The following KDM6A variants were observed in gnomAD, a reference collection of about 807,000 sequenced individuals.
The protein encoded by KDM6A is lysine demethylase 6A.
In KDM6A, 11 loss-of-function variants were observed where a neutral mutation model predicts 117.6. The ratio of observed to expected loss-of-function variants is 0.09; its 90% CI spans 0.06 to 0.15. The LOEUF (loss-of-function observed/expected upper bound fraction) is 0.15, where lower values mean the gene tolerates loss of function less well. KDM6A is among the 10% of genes least tolerant of loss of function. KDM6A has a pLI of 1.00. For synonymous variants in KDM6A, 384 were observed against 396.1 expected (o/e 0.97, Z 0.36); for missense variants, 799 against 1,077.3 (o/e 0.74, Z 3.62).
chrX:44,991,057 G>T (rs1380614966), intron 4 of KDM6A, among the ~76,000 whole-genome samples: 1 of 111,817 alleles, frequency 8.9e-6, no homozygotes, highest in African/African-American at 3.2e-5. Context: ...TTTTTGGGAA[G>T]ATTTTATACT....
chrX:45,090,194 A>T (rs202105658), intron 26 of KDM6A, among the ~76,000 whole-genome samples: 55 of 99,502 alleles, frequency 5.5e-4, no homozygotes, highest in African/African-American at 1.6e-3. Context: ...GTTTTATTTT[A>T]AAAAAACCCT....
intron 2 of KDM6A, among the ~76,000 whole-genome samples, chrX:44,891,576 G>A (rs1334562503): frequency 1.8e-5 from 2 of 111,969 alleles, no homozygotes; most frequent in Admixed American, 1.9e-4. Context: ...TTCCGGTGCT[G>A]TAAAGAAATA....
intron 2 of KDM6A, among the ~76,000 whole-genome samples, chrX:44,900,344 CTT>C (rs1348393847): frequency 9.0e-6 from 1 of 111,554 alleles, no homozygotes; most frequent in Non-Finnish European, 1.9e-5. Flanking sequence ...CAAGGGAAAA[CTT>C]AATAGGTAGG....
At chrX:45,058,396 TCTTAC>T (rs1250618907) in intron 10 of KDM6A, among the ~76,000 whole-genome samples, 252 of 110,917 alleles carry the variant, frequency 2.3e-3, no homozygotes, top group African/African-American at 7.6e-3. Flanking sequence ...GAATCGTTAA[TCTTAC>T]CTTGCTAACT....
At chrX:45,005,509 A>G in intron 4 of KDM6A, among the ~76,000 whole-genome samples, 1 of 111,867 alleles carries the variant, frequency 8.9e-6, no homozygotes, top group Non-Finnish European at 1.9e-5. Flanking sequence ...GTCGGATTAG[A>G]AGCTGACACA....
At chrX:44,954,557 G>T (rs1307387803) in intron 2 of KDM6A, among the ~76,000 whole-genome samples, 11 of 111,586 alleles carry the variant, frequency 9.9e-5, no homozygotes, top group Non-Finnish European at 2.1e-4. Flanking sequence ...TACATAGTTT[G>T]CCACCTCTTT....
chrX:44,901,802 T>G (rs2034364465), intron 2 of KDM6A, among the ~76,000 whole-genome samples: 1 of 112,586 alleles, frequency 8.9e-6, no homozygotes, highest in East Asian at 2.8e-4. Flanking sequence ...GATATTAGTA[T>G]AGCCACCCAG....
At chrX:44,976,261 T>C (rs1307694000) in intron 4 of KDM6A, among the ~76,000 whole-genome samples, 1 of 111,867 alleles carries the variant, frequency 8.9e-6, no homozygotes, top group Non-Finnish European at 1.9e-5. Context: ...TTCTGGATAT[T>C]TCATATAAAT....
In KDM6A at chrX:44,891,256, GTTTA is replaced by G. The variant is rs1261558102; in HGVS notation, c.225+17281_225+17284del. On this transcript the variant is annotated intron_variant, in intron 2 of 29. Transcript: ENST00000611820. ...TGTTGCCTGGCCCTAGATCCCTAAG[GTTTA>G]TTTATTTATTTTTCTAAAAGTTTCA... Among the ~76,000 whole-genome samples, 3 of 110,592 alleles carry G rather than the reference GTTTA, an allele frequency of 2.7e-5. No homozygotes were observed. In the Admixed American group the frequency reaches 2.9e-4, roughly 11 times the overall value.
At chrX:45,069,294 A>T (rs2044708095) in intron 17 of KDM6A, among the ~76,000 whole-genome samples, 1 of 111,752 alleles carries the variant, frequency 8.9e-6, no homozygotes, top group Non-Finnish European at 1.9e-5. Context: ...TTTAGAGATG[A>T]AAATATGTAT....
At chrX:44,880,505 A>G (rs1432430285) in intron 2 of KDM6A, among the ~76,000 whole-genome samples, 3 of 108,199 alleles carry the variant, frequency 2.8e-5, no homozygotes, top group African/African-American at 6.8e-5. Flanking sequence ...AAATAATACA[A>G]TAAGGCCAGG....
intron 6 of KDM6A, among the ~76,000 whole-genome samples, chrX:45,032,151 T>A (rs2042626274): frequency 8.9e-6 from 1 of 112,059 alleles, no homozygotes; most frequent in African/African-American, 3.2e-5. Context: ...TGCATAATAA[T>A]TATTTCACAC....
intron 8 of KDM6A, among the ~76,000 whole-genome samples, chrX:45,039,503 A>ATT (rs756202597): frequency 0.032 from 1,939 of 61,209 alleles, 122 homozygotes; most frequent in Non-Finnish European, 0.05. Flanking sequence ...TCATTTGATA[A>ATT]TTTTTTTTTT....
intron 3 of KDM6A, among the ~76,000 whole-genome samples, chrX:44,966,291 G>A (rs976690352): frequency 1.3e-4 from 14 of 109,795 alleles, no homozygotes; most frequent in Admixed American, 1.3e-3. Context: ...AGAGGTGCGC[G>A]CCACCACGCC....
At chrX:45,064,607 G>A (rs953214890) in intron 17 of KDM6A, among the ~76,000 whole-genome samples, 4 of 111,904 alleles carry the variant, frequency 3.6e-5, no homozygotes, top group Non-Finnish European at 7.5e-5. Context: ...TCCATGATAT[G>A]GGTACTCGCT....
chrX:44,948,649 A>G (rs911415651), intron 2 of KDM6A, among the ~76,000 whole-genome samples: 1 of 112,196 alleles, frequency 8.9e-6, no homozygotes. Flanking sequence ...AAACTCTGTA[A>G]AGAAGTCAAA....
intron 2 of KDM6A, among the ~76,000 whole-genome samples, chrX:44,929,243 CTTTTTTT>C (rs72030337): frequency 2.4e-5 from 2 of 82,881 alleles, no homozygotes; most frequent in Non-Finnish European, 4.8e-5. Context: ...GTCTAAGGGA[CTTTTTTT>C]TTTTTTTTTT....
chrX:44,959,594 CTATTA>C (rs1249107269), intron 2 of KDM6A, among the ~76,000 whole-genome samples: 1 of 110,739 alleles, frequency 9.0e-6, no homozygotes, highest in East Asian at 2.8e-4. Context: ...AATACGCTCA[CTATTA>C]TGAGAACTTT....
chrX:44,996,887 T>C (rs1201463871), intron 4 of KDM6A, among the ~76,000 whole-genome samples: 1 of 111,644 alleles, frequency 9.0e-6, no homozygotes, highest in African/African-American at 3.3e-5. Context: ...AATGACATAC[T>C]TACAAAAGAT....
Sources: allele counts gnomAD v4.1 joint callset (sites outside exome capture counted in the v4.1 genomes callset), GRCh38; gene constraint gnomAD v4.1.1; transcripts MANE v1.5; gene names NCBI Gene and HGNC (gene_info 2026-07-23, HGNC 2026-07-21).